The following MIER1 variants were observed in gnomAD, a reference collection of about 807,000 sequenced individuals.
MIER1 encodes MIER1 transcriptional regulator, also known as mesoderm induction early response protein 1.
In MIER1, 40 loss-of-function variants were observed where a neutral mutation model predicts 75.7. That is an observed-to-expected ratio of 0.53 (90% CI 0.41 to 0.69). The LOEUF (loss-of-function observed/expected upper bound fraction) is 0.69. MIER1 is among the 30% of genes least tolerant of loss of function. The probability of loss-of-function intolerance (pLI) is 0.00; values close to 1 mark genes in which losing one functional copy is unlikely to be tolerated. For missense variants in MIER1, 574 were observed against 680.2 expected (o/e 0.84, Z 1.74); for synonymous variants, 213 against 223.4 (o/e 0.95, Z 0.42).
At chr1:66,980,404 GTATTAGTTTTA>G (rs1429390495) in intron 12 of MIER1, among the ~76,000 whole-genome samples, 3 of 152,176 alleles carry the variant, frequency 2.0e-5, no homozygotes, top group African/African-American at 7.2e-5. Context: ...TCTGAGATAT[GTATTAGTTTTA>G]TACCTCAGAC....
At position 66,958,946 on chromosome 1, in the gene MIER1, A is replaced by C. The variant is rs1206270540; in HGVS notation, c.597A>C (p.Glu199Asp). Reference sequence around the variant, plus strand: ...CTGTTGCTTCTCAAGATGCCCAGGAAATAATCCGCCCACGTCGATGTAAAT... The same window carrying C: ...CTGTTGCTTCTCAAGATGCCCAGGACATAATCCGCCCACGTCGATGTAAAT... ...SQSVASQDAQ[E>D]IIRPRRCKYF... The change falls in exon 6 of 14, where the codon GAA (glutamate) becomes GAC (aspartate). Residue 199 changes from glutamate to aspartate, a missense_variant. This residue lies in a region of MIER1 where 309 missense variants were observed against 352.8 expected (regional missense o/e 0.88). Transcript: ENST00000401041. 1.2e-6 allele frequency: 2 copies of C among 1,613,254 alleles called. No individual in the cohort carries two copies. The highest frequency in any genetic ancestry group is 3.3e-5 in the Admixed American group (2 of 59,976).
chr1:66,930,556 C>G (rs1206461738), intron 2 of MIER1, among the ~76,000 whole-genome samples: 1 of 151,962 alleles, frequency 6.6e-6, no homozygotes, highest in African/African-American at 2.4e-5. Context: ...GCGGGAGCTT[C>G]GCCTGGAACT....
In MIER1 at chr1:66,987,849, T is replaced by G. The variant is rs1270833970; in HGVS notation, c.*2949T>G. On this transcript the variant is annotated 3_prime_UTR_variant, in exon 14 of 14. Coordinates refer to ENST00000401041, the MANE Select transcript of MIER1 (RefSeq NM_001077700.3). ...GGTTCTTGGTCCCCTTTACCACATCTTGGGTGATGTATTTTTGTCTTCTTC... is the reference window on the plus strand; with the variant it reads ...GGTTCTTGGTCCCCTTTACCACATCGTGGGTGATGTATTTTTGTCTTCTTC... The G allele has an allele frequency of 6.6e-6, 1 of 152,256 alleles. No homozygotes were observed. The highest frequency in any genetic ancestry group is 2.4e-5 in the African/African-American group (1 of 41,438). 9.4% of individuals were successfully genotyped at this position (152,256 alleles called of 1,614,324 possible).
chr1:66,976,844 CGA>C (rs1420537741), intron 12 of MIER1, 122 bp downstream of exon 12: 2 of 770,494 alleles, frequency 2.6e-6, no homozygotes, highest in South Asian at 2.9e-5. Context: ...ACCAGAAGGC[CGA>C]GAGTGATAAA....
In MIER1 at chr1:66,981,843, C is replaced by T; in HGVS notation, c.1294C>T (p.Pro432Ser). 1.2e-6 allele frequency: 2 copies of T among 1,613,992 alleles called. No individual in the cohort carries two copies. Among genetic ancestry groups the T allele is most frequent in the Non-Finnish European group, 1.7e-6 (2 of 1,179,868 alleles). Reference sequence around the variant, plus strand: ...TGCATCTAGTCGAGCACCATCCCCTCCCCCAACTGCATCAAACAGTAGTAA... The same window carrying T: ...TGCATCTAGTCGAGCACCATCCCCTTCCCCAACTGCATCAAACAGTAGTAA... ...SAASSRAPSP[P>S]PTASNSSNSQ... Residue 432 changes from proline (P) to serine (S), a missense_variant, in exon 13 of 14, where the codon CCC becomes TCC. Physicochemically the swap from Pro to Ser is moderately conservative, Grantham distance 74 (BLOSUM62 -1). This residue lies in a region of MIER1 where 101 missense variants were observed against 173.1 expected (regional missense o/e 0.58). Coordinates refer to ENST00000401041, the MANE Select transcript of MIER1 (RefSeq NM_001077700.3).
At chr1:66,933,036 G>T (rs914599096) in intron 2 of MIER1, among the ~76,000 whole-genome samples, 1 of 152,100 alleles carries the variant, frequency 6.6e-6, no homozygotes, top group Admixed American at 6.5e-5. Flanking sequence ...CATTAAAGCC[G>T]TATTTAATGT....
intron 2 of MIER1, among the ~76,000 whole-genome samples, chr1:66,930,747 C>G (rs1198472867): frequency 1.3e-5 from 2 of 152,140 alleles, no homozygotes; most frequent in Non-Finnish European, 2.9e-5. Flanking sequence ...GCTGCTGCTT[C>G]CTCTTGCGAA....
chr1:66,982,066 C>T (rs1199667326), intron 13 of MIER1, 148 bp downstream of exon 13: 39 of 700,286 alleles, frequency 5.6e-5, no homozygotes. Flanking sequence ...CATCAGCATA[C>T]ATATATACTA....
intron 4 of MIER1, chr1:66,947,722 G>C (rs1034664444): frequency 6.5e-6 from 1 of 153,370 alleles, no homozygotes. Flanking sequence ...CCAGCTTCCT[G>C]TTATATCCAA....
rs1480581864 is a variant in MIER1, at chr1:66,986,977, A to G, written c.*2077A>G. 6.7e-6 allele frequency: 1 copy of G among 148,978 alleles called. No individual in the cohort carries two copies. The highest frequency in any genetic ancestry group is 1.5e-5 in the Non-Finnish European group (1 of 67,602). The allele number at this position is 148,978 out of a possible 1,614,324, so 9.2% of individuals were successfully genotyped here. A position where few individuals can be genotyped will look rare whatever the true frequency, so the allele number is the denominator to read the frequency against. On this transcript the variant is annotated 3_prime_UTR_variant, in exon 14 of 14. Coordinates refer to ENST00000401041, the MANE Select transcript of MIER1 (RefSeq NM_001077700.3). Reference sequence around the variant, plus strand: ...ATGCCATTTTCACCTTTTTAAAAAGATGCATTTTATTTGCAGGTTTGTGAA... The same window carrying G: ...ATGCCATTTTCACCTTTTTAAAAAGGTGCATTTTATTTGCAGGTTTGTGAA...
chr1:66,943,303 A>G (rs1260754688), intron 3 of MIER1, among the ~76,000 whole-genome samples: 1 of 152,214 alleles, frequency 6.6e-6, no homozygotes, highest in African/African-American at 2.4e-5. Context: ...TGCCTCAAGC[A>G]GTACTAAGAT....
intron 2 of MIER1, among the ~76,000 whole-genome samples, chr1:66,934,038 T>C (rs576847870): frequency 1.3e-5 from 2 of 152,344 alleles, no homozygotes; most frequent in South Asian, 4.1e-4. Flanking sequence ...TCTGTTTGTC[T>C]TATTCTGTGG....
Position 66,971,742 on chromosome 1 carries a change from T to C in MIER1, c.1006+6T>C. 2 of 1,378,098 alleles carry C rather than the reference T, an allele frequency of 1.5e-6. No individual in the cohort carries two copies. Among genetic ancestry groups the C allele is most frequent in the Non-Finnish European group, 2.0e-6 (2 of 989,782 alleles). 85.4% of individuals were successfully genotyped at this position (1,378,098 alleles called of 1,614,324 possible). Reference sequence around the variant, plus strand: ...TAATGTAAAAGCAGCTAGAGGTAAGTATAGTTTTTATTCATTTTCATGATT... The same window carrying C: ...TAATGTAAAAGCAGCTAGAGGTAAGCATAGTTTTTATTCATTTTCATGATT... On this transcript the variant is annotated splice_donor_region_variant and intron_variant, in intron 10 of 13. Transcript: ENST00000401041.
In MIER1 at chr1:66,959,758, AT is replaced by A; in HGVS notation, c.699+19del. ...ACTGGAAAAAGGTAGTTAGAACAAT[AT>A]TTTCCCAAAATTTAGATAAATTAAT... is the stretch of plus-strand genomic sequence containing the variant. On this transcript the variant is annotated intron_variant, in intron 7 of 13. Coordinates refer to ENST00000401041, the MANE Select transcript of MIER1 (RefSeq NM_001077700.3). The A allele has an allele frequency of 7.7e-7, 1 of 1,301,226 alleles. No individual in the cohort carries two copies. Among genetic ancestry groups the A allele is most frequent in the South Asian group, 1.6e-5 (1 of 61,796 alleles). 80.6% of individuals were successfully genotyped at this position (1,301,226 alleles called of 1,614,324 possible). A position where few individuals can be genotyped will look rare whatever the true frequency, so the allele number is the denominator to read the frequency against.
intron 2 of MIER1, among the ~76,000 whole-genome samples, chr1:66,931,201 A>G (rs1263545832): frequency 6.6e-6 from 1 of 151,516 alleles, no homozygotes. Flanking sequence ...TTTTGATTTT[A>G]CATATTTGGG....
intron 8 of MIER1, among the ~76,000 whole-genome samples, chr1:66,963,659 C>G (rs1661710158): frequency 6.6e-6 from 1 of 152,152 alleles, no homozygotes; most frequent in South Asian, 2.1e-4. Flanking sequence ...CCTGTAATCC[C>G]AGCACTTTGG....
intron 8 of MIER1, among the ~76,000 whole-genome samples, chr1:66,969,105 T>A (rs1270262315): frequency 6.6e-6 from 1 of 152,176 alleles, no homozygotes; most frequent in South Asian, 2.1e-4. Context: ...ACCAGCAGAT[T>A]AGAAAAGGAA....
intron 2 of MIER1, among the ~76,000 whole-genome samples, chr1:66,931,412 A>AT (rs978352536): frequency 3.3e-5 from 5 of 151,858 alleles, no homozygotes; most frequent in African/African-American, 4.8e-5. Context: ...ATGTATTTGG[A>AT]TTTTTTTTAT....
intron 11 of MIER1, among the ~76,000 whole-genome samples, chr1:66,973,258 G>A (rs1664065597): frequency 6.6e-6 from 1 of 152,058 alleles, no homozygotes; most frequent in African/African-American, 2.4e-5. Flanking sequence ...TAGTTGGGGT[G>A]TGTATGTGCA....
Sources: gnomAD v4.1 joint callset for allele counts (sites outside exome capture counted in the v4.1 genomes callset) on GRCh38, gnomAD v4.1.1 for gene constraint, gnomAD v4.1.1 regional missense constraint, MANE v1.5 for transcripts, NCBI Gene and HGNC (gene_info 2026-07-23, HGNC 2026-07-21) for gene names.